ATF2: variants seen among roughly 807,000 people sequenced by gnomAD.
The protein encoded by ATF2 is activating transcription factor 2.
ATF2 carries 24 observed loss-of-function variants against 60.6 expected under a neutral mutation model. That is an observed-to-expected ratio of 0.40 (90% CI 0.29 to 0.56). The LOEUF is 0.56. Ranked by LOEUF, ATF2 falls within the 20% of genes least tolerant of loss-of-function variation. ATF2 has a pLI of 0.54. For synonymous variants in ATF2, 206 were observed against 215.4 expected (o/e 0.96, Z 0.38); for missense variants, 433 against 607.7 (o/e 0.71, Z 3.02).
At chr2:175,144,903 C>CTGCCTTACA (rs1698842872) in intron 2 of ATF2, among the ~76,000 whole-genome samples, 1 of 152,116 alleles carries the variant, frequency 6.6e-6, no homozygotes, top group South Asian at 2.1e-4. Flanking sequence ...AGGTGAGTGC[C>CTGCCTTACA]TAATGGCACC....
chr2:175,153,147 TTA>T (rs1574493167), intron 1 of ATF2, among the ~76,000 whole-genome samples: 1 of 152,210 alleles, frequency 6.6e-6, no homozygotes, highest in Non-Finnish European at 1.5e-5. Flanking sequence ...CCTGTATAGC[TTA>T]TGTCTTAACA....
intron 1 of ATF2, 151 bp downstream of exon 1, chr2:175,167,899 G>C: frequency 2.6e-6 from 1 of 384,846 alleles, no homozygotes; most frequent in Non-Finnish European, 5.4e-6. Context: ...AGCCACAATC[G>C]CCCCAAGGGC....
chr2:175,085,549 A>G (rs912264687), intron 12 of ATF2, among the ~76,000 whole-genome samples: 35 of 74,864 alleles, frequency 4.7e-4, no homozygotes, highest in Middle Eastern at 6.4e-3. Context: ...ATAAATACAT[A>G]ACATACACAC....
At chr2:175,141,084 T>C (rs1327625208) in intron 2 of ATF2, among the ~76,000 whole-genome samples, 1 of 133,586 alleles carries the variant, frequency 7.5e-6, no homozygotes, top group Non-Finnish European at 1.6e-5. Context: ...TATATATGTA[T>C]ACACACACAC....
rs935144000 is a variant in ATF2 at position 175,168,114 on chromosome 2, C to G, written c.-207G>C. On this transcript the variant is annotated 5_prime_UTR_variant, in exon 1 of 14. Coordinates refer to ENST00000264110, the MANE Select transcript of ATF2 (RefSeq NM_001880.4). Reference sequence around the variant, plus strand: ...CGAGCCCTGAGCACAGCCGTGTTTACAAAGCACCCCTGGAGGAAAAGGCTG... The same window carrying G: ...CGAGCCCTGAGCACAGCCGTGTTTAGAAAGCACCCCTGGAGGAAAAGGCTG... The G allele has an allele frequency of 2.5e-5, 4 of 162,256 alleles. No individual in the cohort carries two copies. Among genetic ancestry groups the G allele is most frequent in the African/African-American group, 9.6e-5 (4 of 41,834 alleles). The allele number at this position is 162,256 out of a possible 1,614,324, so 10.1% of individuals were successfully genotyped here.
chr2:175,117,668 T>C (rs1453553307), intron 7 of ATF2, among the ~76,000 whole-genome samples: 2 of 152,020 alleles, frequency 1.3e-5, no homozygotes, highest in African/African-American at 4.8e-5. Context: ...TTGAATAGAT[T>C]CTTAATTAAG....
At chr2:175,159,217 G>T (rs1699869054) in intron 1 of ATF2, among the ~76,000 whole-genome samples, 1 of 151,956 alleles carries the variant, frequency 6.6e-6, no homozygotes, top group African/African-American at 2.4e-5. Flanking sequence ...TGCTCAAAAG[G>T]CTGAGGCATG....
At chr2:175,156,377 C>CAAA (rs57399474) in intron 1 of ATF2, among the ~76,000 whole-genome samples, 9 of 56,018 alleles carry the variant, frequency 1.6e-4, no homozygotes, top group Non-Finnish European at 2.9e-4. Flanking sequence ...TCTCAAAAAA[C>CAAA]AAAAAAAAAA....
At chr2:175,093,770 T>G (rs1428875979) in intron 11 of ATF2, among the ~76,000 whole-genome samples, 1 of 152,180 alleles carries the variant, frequency 6.6e-6, no homozygotes, top group Non-Finnish European at 1.5e-5. Context: ...TCTAAAGTTA[T>G]GGAGTGAAAA....
At chr2:175,084,712 C>T (rs920646325) in intron 12 of ATF2, among the ~76,000 whole-genome samples, 1 of 151,628 alleles carries the variant, frequency 6.6e-6, no homozygotes, top group African/African-American at 2.4e-5. Context: ...TTCTGGGTTC[C>T]CACAGCCACA....
intron 4 of ATF2, among the ~76,000 whole-genome samples, chr2:175,124,395 C>T (rs1697181039): frequency 1.3e-5 from 2 of 151,664 alleles, no homozygotes; most frequent in Admixed American, 1.3e-4. Context: ...TCAGTTGCTT[C>T]TATAATAATT....
intron 11 of ATF2, 116 bp downstream of exon 11, chr2:175,097,328 A>T: frequency 7.2e-7 from 1 of 1,392,882 alleles, no homozygotes; most frequent in Non-Finnish European, 9.7e-7. Flanking sequence ...GGCTTTTGAT[A>T]CATCTTTGGA....
chr2:175,150,176 T>G (rs1275649223), intron 2 of ATF2, among the ~76,000 whole-genome samples: 1 of 152,192 alleles, frequency 6.6e-6, no homozygotes, highest in Non-Finnish European at 1.5e-5. Flanking sequence ...AATTTTTTGC[T>G]TTTTAAATAT....
At chr2:175,076,483 T>C (rs998502804) in intron 13 of ATF2, among the ~76,000 whole-genome samples, 20 of 152,292 alleles carry the variant, frequency 1.3e-4, no homozygotes, top group African/African-American at 4.8e-4. Flanking sequence ...TCCTGGGGTT[T>C]GGGCTTCTAT....
chr2:175,120,215 G>A (rs1315577265), intron 5 of ATF2, among the ~76,000 whole-genome samples: 1 of 151,520 alleles, frequency 6.6e-6, no homozygotes, highest in Admixed American at 6.6e-5. Flanking sequence ...TTCATGCCTA[G>A]GAGAGTGAAC....
chr2:175,096,077 A>G (rs1013088016), intron 11 of ATF2, among the ~76,000 whole-genome samples: 1 of 152,236 alleles, frequency 6.6e-6, no homozygotes, highest in Non-Finnish European at 1.5e-5. Context: ...GTAAATACCT[A>G]TGCTTAGGTG....
intron 1 of ATF2, among the ~76,000 whole-genome samples, chr2:175,153,781 G>T (rs575887496): frequency 7.1e-6 from 1 of 141,038 alleles, no homozygotes; most frequent in African/African-American, 2.6e-5. Flanking sequence ...GCAGTGAGTC[G>T]AGATCACACC....
intron 10 of ATF2, among the ~76,000 whole-genome samples, chr2:175,098,256 T>C (rs908134117): frequency 5.3e-5 from 8 of 152,196 alleles, no homozygotes; most frequent in South Asian, 4.1e-4. Flanking sequence ...AAAATGGTCA[T>C]ATGTGATCTT....
intron 4 of ATF2, among the ~76,000 whole-genome samples, chr2:175,129,358 T>C (rs1226451466): frequency 1.3e-5 from 2 of 152,104 alleles, no homozygotes; most frequent in Non-Finnish European, 1.5e-5. Flanking sequence ...GGTGATTGTA[T>C]GTTTACTATC....
Sources: gnomAD v4.1 joint callset for allele counts (sites outside exome capture counted in the v4.1 genomes callset) on GRCh38, gnomAD v4.1.1 for gene constraint, MANE v1.5 for transcripts, NCBI Gene and HGNC (gene_info 2026-07-23, HGNC 2026-07-21) for gene names.